The following LCLAT1 variants were observed in gnomAD, a reference collection of about 807,000 sequenced individuals.
The protein encoded by LCLAT1 is lysocardiolipin acyltransferase 1.
LCLAT1 carries 11 observed loss-of-function variants against 30.7 expected under a neutral mutation model. That is an observed-to-expected ratio of 0.36 (90% CI 0.23 to 0.59). The LOEUF is 0.59. LCLAT1 is among the 20% of genes least tolerant of loss of function. The pLI is 0.77. For synonymous variants in LCLAT1, 155 were observed against 151.3 expected, an observed-to-expected ratio of 1.02 and a Z score of -0.18; for missense variants, 402 against 458.6, an observed-to-expected ratio of 0.88 and a Z score of 1.13.
chr2:30,613,065 G>A (rs934144911), intron 5 of LCLAT1, among the ~76,000 whole-genome samples: 3 of 152,132 alleles, frequency 2.0e-5, no homozygotes, highest in Non-Finnish European at 4.4e-5. Context: ...CTAGTAGAAG[G>A]AACAATAACG....
intron 1 of LCLAT1, among the ~76,000 whole-genome samples, chr2:30,516,186 G>C (rs1359375282): frequency 6.6e-6 from 1 of 152,126 alleles, no homozygotes; most frequent in Non-Finnish European, 1.5e-5. Context: ...TATAAACCTA[G>C]GTATTCGAAC....
At chr2:30,455,230 A>G (rs187877864) in intron 1 of LCLAT1, among the ~76,000 whole-genome samples, 1 of 152,084 alleles carries the variant, frequency 6.6e-6, no homozygotes, top group African/African-American at 2.4e-5. Context: ...ATTGTATCTG[A>G]TTTTCTCTTT....
chr2:30,588,530 C>G (rs148631893), intron 5 of LCLAT1, among the ~76,000 whole-genome samples: 1 of 152,058 alleles, frequency 6.6e-6, no homozygotes, highest in African/African-American at 2.4e-5. Context: ...AGGCCTCAAA[C>G]TCTCCTCTTC....
At chr2:30,501,785 G>A (rs1489087105) in intron 1 of LCLAT1, among the ~76,000 whole-genome samples, 9 of 152,164 alleles carry the variant, frequency 5.9e-5, no homozygotes, top group Non-Finnish European at 1.5e-5. Context: ...GGTATTTTAT[G>A]CCTTCCAATG....
chr2:30,637,983 C>A (rs1423408472), intron 5 of LCLAT1, among the ~76,000 whole-genome samples: 4 of 152,180 alleles, frequency 2.6e-5, no homozygotes, highest in Non-Finnish European at 5.9e-5. Context: ...TTCCTCTACC[C>A]CCTGCGAACA....
intron 4 of LCLAT1, among the ~76,000 whole-genome samples, chr2:30,567,564 TGAAC>T (rs1372624360): frequency 6.6e-6 from 1 of 152,122 alleles, no homozygotes; most frequent in Non-Finnish European, 1.5e-5. Context: ...GGGGGAGTCA[TGAAC>T]AGTTAGTCCA....
intron 5 of LCLAT1, among the ~76,000 whole-genome samples, chr2:30,598,083 G>T (rs1318582744): frequency 6.6e-6 from 1 of 152,162 alleles, no homozygotes; most frequent in East Asian, 1.9e-4. Flanking sequence ...ATTCATCAGG[G>T]ATATTGGCCT....
intron 2 of LCLAT1, among the ~76,000 whole-genome samples, chr2:30,532,130 T>C (rs973069839): frequency 1.3e-5 from 2 of 152,198 alleles, no homozygotes; most frequent in Admixed American, 1.3e-4. Flanking sequence ...TTGTATATAT[T>C]TTTGTTTGTT....
intron 1 of LCLAT1, among the ~76,000 whole-genome samples, chr2:30,521,961 C>A (rs537900129): frequency 3.9e-5 from 6 of 152,262 alleles, no homozygotes; most frequent in Admixed American, 1.3e-4. Flanking sequence ...AAAATCATAT[C>A]TTTTGAGTCT....
chr2:30,520,484 A>G (rs1158436672), intron 1 of LCLAT1, among the ~76,000 whole-genome samples: 1 of 152,192 alleles, frequency 6.6e-6, no homozygotes, highest in Admixed American at 6.5e-5. Flanking sequence ...TCTGACACCA[A>G]GTTACCTGGC....
chr2:30,636,231 G>A (rs1284584314), intron 5 of LCLAT1, among the ~76,000 whole-genome samples: 2 of 152,212 alleles, frequency 1.3e-5, no homozygotes, highest in Non-Finnish European at 2.9e-5. Flanking sequence ...GAATATTTGT[G>A]TTGAGTAGGA....
At chr2:30,474,681 C>T (rs1214664344) in intron 1 of LCLAT1, among the ~76,000 whole-genome samples, 1 of 148,680 alleles carries the variant, frequency 6.7e-6, no homozygotes, top group African/African-American at 2.5e-5. Context: ...TAGGGCCTCA[C>T]TCTATCACCC....
At chr2:30,545,423 A>T (rs574653058) in intron 3 of LCLAT1, among the ~76,000 whole-genome samples, 2 of 152,124 alleles carry the variant, frequency 1.3e-5, no homozygotes, top group Non-Finnish European at 2.9e-5. Context: ...TTCTTGTGCA[A>T]CTGACTAAAG....
chr2:30,460,579 G>A (rs1475053060), intron 1 of LCLAT1, among the ~76,000 whole-genome samples: 1 of 152,082 alleles, frequency 6.6e-6, no homozygotes. Flanking sequence ...TCTGGCTTTT[G>A]TCTTCGGTTC....
At position 30,564,003 on chromosome 2, in the gene LCLAT1, C is replaced by T. The variant is rs139980981; in HGVS notation, c.511+1711C>T. The stretch of plus-strand genomic sequence containing the variant: ...TGTGTAGTATATTTTTGATTTTTTA[C>T]AGTTGAGATTCTAGAAGTGGTTGGA... On this transcript the variant is annotated intron_variant, in intron 4 of 5. Transcript: ENST00000379509. Among the ~76,000 whole-genome samples, 842 of 152,186 alleles carry T rather than the reference C, an allele frequency of 5.5e-3. 10 individuals carry two copies. Among genetic ancestry groups the T allele is most frequent in the Admixed American group, 0.01 (153 of 15,280 alleles).
intron 5 of LCLAT1, among the ~76,000 whole-genome samples, chr2:30,583,605 C>T (rs886873553): frequency 2.0e-5 from 3 of 152,190 alleles, no homozygotes; most frequent in Non-Finnish European, 4.4e-5. Flanking sequence ...CCCTTAGCTT[C>T]CAGGTCCATC....
At chr2:30,496,641 T>G (rs2148335273) in intron 1 of LCLAT1, among the ~76,000 whole-genome samples, 1 of 152,340 alleles carries the variant, frequency 6.6e-6, no homozygotes, top group Non-Finnish European at 1.5e-5. Flanking sequence ...AAACTCTGTG[T>G]AAATGTGTCA....
chr2:30,629,131 T>G (rs1036689303), intron 5 of LCLAT1, among the ~76,000 whole-genome samples: 2 of 152,216 alleles, frequency 1.3e-5, no homozygotes, highest in Non-Finnish European at 2.9e-5. Flanking sequence ...ATGGCAAAAT[T>G]AGTATGTAGA....
Position 30,522,023 on chromosome 2 carries a change from G to T in LCLAT1, c.-4-3564G>T, listed in dbSNP as rs191368594. On this transcript the variant is annotated intron_variant, in intron 1 of 5. Coordinates refer to ENST00000379509, the MANE Select transcript of LCLAT1 (RefSeq NM_001002257.3). ...TTGAGATTAACTCAACATGTTGCAT[G>T]GATCAGTAGTTTGTCGTTATTCTGA... is the stretch of plus-strand genomic sequence containing the variant. Among the ~76,000 whole-genome samples the T allele has an allele frequency of 3.9e-3, 600 of 152,240 alleles. 3 individuals are homozygous for T. Among genetic ancestry groups the T allele is most frequent in the African/African-American group, 0.013 (555 of 41,536 alleles).
Sources: gnomAD v4.1 joint callset for allele counts (sites outside exome capture counted in the v4.1 genomes callset) on GRCh38, gnomAD v4.1.1 for gene constraint, MANE v1.5 for transcripts, NCBI Gene and HGNC (gene_info 2026-07-23, HGNC 2026-07-21) for gene names.